SUGCT: variants seen among roughly 807,000 people sequenced by gnomAD.
SUGCT encodes succinyl-CoA:glutarate CoA-transferase.
In SUGCT, 41 loss-of-function variants were observed where a neutral mutation model predicts 55.0. The ratio of observed to expected loss-of-function variants is 0.74; its 90% confidence interval spans 0.58 to 0.97. The LOEUF (loss-of-function observed/expected upper bound fraction) is 0.97, where lower values mean the gene tolerates loss of function less well. Ranked by LOEUF, SUGCT falls within the 50% of genes least tolerant of loss-of-function variation. SUGCT has a pLI of 0.00. For missense variants in SUGCT, 568 were observed against 547.8 expected, an observed-to-expected ratio of 1.04 and a Z score of -0.37; for synonymous variants, 187 against 200.4, an observed-to-expected ratio of 0.93 and a Z score of 0.56.
intron 12 of SUGCT, among the ~76,000 whole-genome samples, chr7:40,741,702 A>T (rs1787469487): frequency 6.6e-6 from 1 of 152,256 alleles, no homozygotes; most frequent in African/African-American, 2.4e-5. Flanking sequence ...AAGCAGAGTC[A>T]GTTAAATTAT....
chr7:40,337,634 A>G (rs546907157), intron 9 of SUGCT, among the ~76,000 whole-genome samples: 2 of 152,132 alleles, frequency 1.3e-5, no homozygotes, highest in South Asian at 2.1e-4. Context: ...TTTTGAGTCT[A>G]TGTGTGTCTC....
At chr7:40,706,711 C>T (rs1364667784) in intron 12 of SUGCT, among the ~76,000 whole-genome samples, 1 of 152,178 alleles carries the variant, frequency 6.6e-6, no homozygotes, top group African/African-American at 2.4e-5. Flanking sequence ...GGACAGCCAG[C>T]CTTGTTCCCA....
intron 12 of SUGCT, among the ~76,000 whole-genome samples, chr7:40,684,663 T>G (rs1257944744): frequency 6.6e-6 from 1 of 152,192 alleles, no homozygotes; most frequent in African/African-American, 2.4e-5. Context: ...CAATGAGGAT[T>G]TAGCTCTCTT....
chr7:40,135,717 C>T (rs1020811887), intron 1 of SUGCT, among the ~76,000 whole-genome samples: 11 of 152,098 alleles, frequency 7.2e-5, no homozygotes, highest in African/African-American at 2.2e-4. Context: ...ACTGCAGTGG[C>T]GCGATCTCGG....
the SUGCT span, among the ~76,000 whole-genome samples, chr7:40,883,837 C>T: frequency 1.3e-5 from 2 of 152,146 alleles, no homozygotes; most frequent in East Asian, 3.9e-4. Context: ...CAATCCTGGT[C>T]TACCTACTTC....
the SUGCT span, among the ~76,000 whole-genome samples, chr7:40,949,394 A>G: frequency 6.6e-6 from 1 of 151,976 alleles, no homozygotes; most frequent in Admixed American, 6.6e-5. Flanking sequence ...ATTTTCTCCC[A>G]TTCTGTAGGT....
the SUGCT span, among the ~76,000 whole-genome samples, chr7:40,867,786 C>T: frequency 1.3e-5 from 2 of 152,166 alleles, no homozygotes; most frequent in African/African-American, 4.8e-5. Context: ...TAGAAGTGTT[C>T]GCTGCATGTT....
chr7:40,289,850 A>G (rs1041045360), intron 8 of SUGCT, among the ~76,000 whole-genome samples: 3 of 152,012 alleles, frequency 2.0e-5, no homozygotes, highest in African/African-American at 7.2e-5. Flanking sequence ...AAGCATTCTT[A>G]TACACCAATA....
chr7:41,008,058 TG>T, the SUGCT span, among the ~76,000 whole-genome samples: 1 of 151,962 alleles, frequency 6.6e-6, no homozygotes. Flanking sequence ...AGAAAGAGGG[TG>T]GGGGGCAAAA....
the SUGCT span, among the ~76,000 whole-genome samples, chr7:40,905,762 C>G: frequency 6.6e-6 from 1 of 150,454 alleles, no homozygotes; most frequent in Non-Finnish European, 1.5e-5. Context: ...GTTACTCAGG[C>G]TGGAGGACTG....
At chr7:40,787,433 C>T (rs2128742562) in intron 13 of SUGCT, among the ~76,000 whole-genome samples, 1 of 151,898 alleles carries the variant, frequency 6.6e-6, no homozygotes, top group African/African-American at 2.4e-5. Context: ...TTTAGGGACA[C>T]TAAAGCAGTC....
At chr7:40,893,417 A>G in the SUGCT span, among the ~76,000 whole-genome samples, 2 of 152,228 alleles carry the variant, frequency 1.3e-5, no homozygotes, top group Non-Finnish European at 2.9e-5. Context: ...ATTCTTCTGG[A>G]TAAATCAAAG....
At chr7:40,183,018 A>T (rs1362585798) in intron 3 of SUGCT, among the ~76,000 whole-genome samples, 1 of 152,228 alleles carries the variant, frequency 6.6e-6, no homozygotes, top group African/African-American at 2.4e-5. Flanking sequence ...TACGCCTGTA[A>T]TCCCAGTACT....
the SUGCT span, among the ~76,000 whole-genome samples, chr7:40,877,933 A>G: frequency 6.6e-6 from 1 of 152,268 alleles, no homozygotes; most frequent in Non-Finnish European, 1.5e-5. Context: ...CTGTTCTGTC[A>G]GATAAATGGC....
At chr7:40,452,237 C>CT (rs1160612061) in intron 10 of SUGCT, among the ~76,000 whole-genome samples, 1 of 152,180 alleles carries the variant, frequency 6.6e-6, no homozygotes, top group Non-Finnish European at 1.5e-5. Context: ...CTTAATGTTC[C>CT]TTACCATGAT....
At chr7:40,341,195 G>A (rs1343794644) in intron 9 of SUGCT, among the ~76,000 whole-genome samples, 1 of 152,114 alleles carries the variant, frequency 6.6e-6, no homozygotes, top group Admixed American at 6.5e-5. Context: ...GTAAACTCCA[G>A]AAATTGTAGG....
At chr7:40,950,693 T>C in the SUGCT span, among the ~76,000 whole-genome samples, 931 of 152,344 alleles carry the variant, frequency 6.1e-3, 10 homozygotes, top group African/African-American at 0.022. Context: ...TCAAAGGCCT[T>C]TTCTGTATCT....
intron 11 of SUGCT, among the ~76,000 whole-genome samples, chr7:40,466,932 G>C (rs1176477204): frequency 6.6e-6 from 1 of 152,154 alleles, no homozygotes; most frequent in African/African-American, 2.4e-5. Context: ...GGCCGGGCAC[G>C]GTGGCTTACG....
chr7:40,975,005 G>C, the SUGCT span, among the ~76,000 whole-genome samples: 4 of 152,136 alleles, frequency 2.6e-5, no homozygotes, highest in Non-Finnish European at 5.9e-5. Flanking sequence ...CATGCACCTG[G>C]CGCAGTAGGT....
Sources: allele counts gnomAD v4.1 joint callset (sites outside exome capture counted in the v4.1 genomes callset), GRCh38; gene constraint gnomAD v4.1.1; transcripts MANE v1.5; gene names NCBI Gene and HGNC (gene_info 2026-07-23, HGNC 2026-07-21).